Variants in DDAH1 observed in about 807,000 individuals in gnomAD.
DDAH1 encodes dimethylarginine dimethylaminohydrolase 1.
Under a neutral mutation model 28.8 loss-of-function variants are expected in DDAH1, and 19 were observed. The observed-to-expected ratio is 0.66, with a 90% CI of 0.46 to 0.97. The LOEUF is 0.97. DDAH1 is among the 50% of genes least tolerant of loss of function. The pLI is 0.00. For missense variants in DDAH1, 326 were observed against 375.9 expected, an observed-to-expected ratio of 0.87 and a Z score of 1.10; for synonymous variants, 153 against 154.4, an observed-to-expected ratio of 0.99 and a Z score of 0.07.
chr1:85,355,263 A>G lies in DDAH1; in HGVS notation c.403+3485T>C, dbSNP rs912975913. Among the ~76,000 whole-genome samples, 7 of 152,308 alleles carry G rather than the reference A, an allele frequency of 4.6e-5. No individual in the cohort carries two copies. The South Asian group carries it at 8.3e-4, about 18-fold the overall frequency. ...TTTTAAATTTCTCCATAAAGAAGGC[A>G]CAAGAGCCTGTTTCCAAAGTTTAAG... On this transcript the variant is annotated intron_variant, in intron 2 of 5. Transcript: ENST00000284031.
intron 1 of DDAH1, among the ~76,000 whole-genome samples, chr1:85,564,423 G>A (rs531915996): frequency 1.2e-4 from 18 of 152,246 alleles, no homozygotes; most frequent in African/African-American, 4.3e-4. Context: ...AGTGCAGAGA[G>A]GGGTAGTGGT....
intron 1 of DDAH1, among the ~76,000 whole-genome samples, chr1:85,546,812 AT>A (rs1457392398): frequency 6.6e-6 from 1 of 152,192 alleles, no homozygotes; most frequent in Non-Finnish European, 1.5e-5. Flanking sequence ...CTACTGAAGG[AT>A]TAAAAAAAGA....
intron 1 of DDAH1, among the ~76,000 whole-genome samples, chr1:85,420,339 AT>A (rs1653083180): frequency 6.6e-6 from 1 of 152,136 alleles, no homozygotes; most frequent in South Asian, 2.1e-4. Flanking sequence ...CAGGTTGCAA[AT>A]TTTCCAAACT....
chr1:85,439,574 T>A (rs1283137699), intron 1 of DDAH1, among the ~76,000 whole-genome samples: 1 of 152,248 alleles, frequency 6.6e-6, no homozygotes, highest in Non-Finnish European at 1.5e-5. Flanking sequence ...GTTTCTTATA[T>A]CTGTTTTCTT....
chr1:85,525,798 CA>C (rs1246904557), intron 1 of DDAH1, among the ~76,000 whole-genome samples: 1 of 152,076 alleles, frequency 6.6e-6, no homozygotes, highest in African/African-American at 2.4e-5. Context: ...GGTGAGCTCA[CA>C]GGTTAACACT....
chr1:85,505,413 G>T (rs1656980137), intron 1 of DDAH1, among the ~76,000 whole-genome samples: 2 of 152,280 alleles, frequency 1.3e-5, no homozygotes, highest in Non-Finnish European at 2.9e-5. Context: ...CTAGGAAGAA[G>T]TAAGTTTTGA....
intron 1 of DDAH1, among the ~76,000 whole-genome samples, chr1:85,558,717 C>T (rs1403428322): frequency 6.6e-6 from 1 of 151,952 alleles, no homozygotes; most frequent in Non-Finnish European, 1.5e-5. Context: ...ATAAGTTATA[C>T]TAAAATAAAA....
intron 1 of DDAH1, among the ~76,000 whole-genome samples, chr1:85,426,323 T>C (rs1480281848): frequency 1.3e-5 from 2 of 152,136 alleles, no homozygotes; most frequent in Admixed American, 6.6e-5. Flanking sequence ...GGTATAAAAA[T>C]AAAATGAAAC....
chr1:85,427,371 T>A (rs1043043630), intron 1 of DDAH1, among the ~76,000 whole-genome samples: 1 of 152,098 alleles, frequency 6.6e-6, no homozygotes, highest in Non-Finnish European at 1.5e-5. Context: ...TTTTCTGAAA[T>A]TTTTTAATGC....
intron 1 of DDAH1, among the ~76,000 whole-genome samples, chr1:85,528,857 C>T (rs1239899554): frequency 2.0e-5 from 3 of 151,590 alleles, no homozygotes; most frequent in Admixed American, 6.6e-5. Flanking sequence ...GCCTGTAATT[C>T]CAGCTACTCA....
chr1:85,369,006 G>A (rs1650225979), intron 1 of DDAH1, among the ~76,000 whole-genome samples: 1 of 151,532 alleles, frequency 6.6e-6, no homozygotes, highest in Non-Finnish European at 1.5e-5. Context: ...TGTAGGTCCT[G>A]GCTGGGTCAG....
At chr1:85,475,228 G>A (rs980538894) in intron 2 of DDAH1, among the ~76,000 whole-genome samples, 4 of 152,110 alleles carry the variant, frequency 2.6e-5, no homozygotes, top group African/African-American at 7.2e-5. Flanking sequence ...ATATTATGAC[G>A]TAATGAAGAT....
intron 1 of DDAH1, among the ~76,000 whole-genome samples, chr1:85,426,097 A>C (rs553036710): frequency 6.6e-6 from 1 of 152,306 alleles, no homozygotes; most frequent in Non-Finnish European, 1.5e-5. Flanking sequence ...CGTAACACTT[A>C]TAACAGTGTC....
chr1:85,468,487 C>T (rs575346600), upstream of DDAH1, among the ~76,000 whole-genome samples: 13 of 150,236 alleles, frequency 8.7e-5, no homozygotes, highest in South Asian at 1.1e-3. Context: ...TCTTACATGG[C>T]GGCAGGCAAG....
At chr1:85,330,514 A>G (rs1452154197) in intron 4 of DDAH1, among the ~76,000 whole-genome samples, 1 of 152,176 alleles carries the variant, frequency 6.6e-6, no homozygotes. Context: ...CTGTGTCTCA[A>G]GCCAGAATGG....
intron 1 of DDAH1, among the ~76,000 whole-genome samples, chr1:85,368,325 C>A (rs548145218): frequency 6.6e-6 from 1 of 152,082 alleles, no homozygotes; most frequent in Non-Finnish European, 1.5e-5. Context: ...GGCAAACCCA[C>A]GGAGCCAGGA....
At chr1:85,468,963 A>C (rs1156465051), upstream of DDAH1, among the ~76,000 whole-genome samples, 4 of 152,214 alleles carry the variant, frequency 2.6e-5, no homozygotes, top group East Asian at 7.7e-4. Flanking sequence ...GCTACAGTTC[A>C]AGATGAGATT....
At chr1:85,460,371 AT>A (rs1655074582) in intron 1 of DDAH1, among the ~76,000 whole-genome samples, 1 of 152,228 alleles carries the variant, frequency 6.6e-6, no homozygotes, top group East Asian at 1.9e-4. Flanking sequence ...CACTTTTGGG[AT>A]TTATTACCTG....
chr1:85,341,582 G>A (rs1207366409), intron 4 of DDAH1, among the ~76,000 whole-genome samples: 1 of 152,174 alleles, frequency 6.6e-6, no homozygotes, highest in African/African-American at 2.4e-5. Context: ...TTGGGAGGCC[G>A]AGGCGGTGGA....
Sources: allele counts gnomAD v4.1 joint callset (sites outside exome capture counted in the v4.1 genomes callset), GRCh38; gene constraint gnomAD v4.1.1; transcripts MANE v1.5; gene names NCBI Gene and HGNC (gene_info 2026-07-23, HGNC 2026-07-21).